LENG8: variants seen among roughly 807,000 people sequenced by gnomAD.
LENG8 encodes the protein leukocyte receptor cluster member 8.
A neutral mutation model predicts 102.1 loss-of-function variants in LENG8; 28 were observed. The ratio of observed to expected loss-of-function variants is 0.27; its 90% CI spans 0.20 to 0.38. LENG8 has a LOEUF of 0.38. LENG8 is among the 10% of genes least tolerant of loss of function. LENG8 has a pLI of 1.00. For missense variants in LENG8, 1,022 were observed against 1,113.9 expected, an observed-to-expected ratio of 0.92 and a Z score of 1.17; for synonymous variants, 531 against 456.7, an observed-to-expected ratio of 1.16 and a Z score of -2.07.
Position 54,454,979 on chromosome 19 carries a change from C to A in LENG8, c.708C>A (p.Phe236Leu). ...CCCCTGGGACTGGAGGTCTCAAGTT[C>A]AACATCCAGAAGCGACCCTTTGCTG... ...KPAPGTGGLK[F>L]NIQKRPFAVT... The change falls in exon 7 of 16, where the codon TTC becomes TTA. Residue 236 changes from phenylalanine (F) to leucine (L), a missense_variant. By Grantham distance (22) the Phe-to-Leu change is conservative (BLOSUM62 0). This residue lies in a region of LENG8 where 343 missense variants were observed against 320.2 expected (regional missense o/e 1.07). Transcript: ENST00000326764. The A allele has an allele frequency of 6.2e-7, 1 of 1,614,186 alleles. No individual in the cohort carries two copies. Among genetic ancestry groups the A allele is most frequent in the Non-Finnish European group, 8.5e-7 (1 of 1,180,014 alleles).
chr19:54,458,094 G>A lies in LENG8; in HGVS notation c.1903-9G>A. 1.2e-6 allele frequency: 2 copies of A among 1,612,540 alleles called. No homozygotes were observed. The highest frequency in any genetic ancestry group is 2.7e-5 in the African/African-American group (2 of 75,060). ...TCTGCTCTCCTCCCTCGGTGCCTCTGCCTTCCAGGGTGACCATGAAGAGTT... is the reference window on the plus strand; with the variant it reads ...TCTGCTCTCCTCCCTCGGTGCCTCTACCTTCCAGGGTGACCATGAAGAGTT... On this transcript the variant is annotated splice_polypyrimidine_tract_variant and intron_variant, in intron 13 of 15. Transcript: ENST00000326764.
At chr19:54,451,038 T>C (rs2083939092) in intron 1 of LENG8, among the ~76,000 whole-genome samples, 1 of 152,174 alleles carries the variant, frequency 6.6e-6, no homozygotes, top group South Asian at 2.1e-4. Flanking sequence ...CTTTGGGAAG[T>C]CTGCTCTGGC....
rs868393277 is a variant in LENG8, at chr19:54,458,045, C to G, written c.1902+43C>G. ...GGCCTCCCCAGCCCCTTTCCTGCTG[C>G]CGTTCTGCCCTCAGCACCCTCACTC... On this transcript the variant is annotated intron_variant, in intron 13 of 15. Coordinates refer to ENST00000326764, the MANE Select transcript of LENG8 (RefSeq NM_052925.4). The G allele has an allele frequency of 3.1e-6, 5 of 1,612,254 alleles. No homozygotes were observed. The Admixed American group carries it at 8.3e-5, about 27-fold the overall frequency.
Position 54,461,319 on chromosome 19 carries a change from G to A in LENG8, c.*391G>A. 1 of 461,764 alleles carries A rather than the reference G, an allele frequency of 2.2e-6. No homozygotes were observed. The highest frequency in any genetic ancestry group is 1.6e-5 in the South Asian group (1 of 63,398). 28.6% of individuals were successfully genotyped at this position (461,764 alleles called of 1,614,324 possible). A position where few individuals can be genotyped will look rare whatever the true frequency, so the allele number is the denominator to read the frequency against. ...CGGGGGGCCAGTGGAAAGAAGACAG[G>A]CCGTCCAGCCCGTGCCCGCCTGCGG... On this transcript the variant is annotated 3_prime_UTR_variant, in exon 16 of 16. Transcript: ENST00000326764.
rs1341501760 is a variant in LENG8 at position 54,455,047 on chromosome 19, G to C, written c.776G>C (p.Ser259Thr). ...SFGSNAEGQH[S>T]GFGPQPNPEK... ...GGCTCCAACGCAGAGGGCCAGCACA[G>C]TGGTTTTGGCCCCCAGCCCAACCCT... The change falls in exon 7 of 16, where the codon AGT (serine) becomes ACT (threonine). Residue 259 changes from serine (S) to threonine (T), a missense_variant. Transcript: ENST00000326764. 1.2e-6 allele frequency: 2 copies of C among 1,614,184 alleles called. No homozygotes were observed. The highest frequency in any genetic ancestry group is 1.7e-6 in the Non-Finnish European group (2 of 1,180,028).
At position 54,455,445 on chromosome 19, in the gene LENG8, C is replaced by T. The variant is rs1002034974; in HGVS notation, c.903C>T (p.Phe301=). Residue 301 remains phenylalanine (F), a synonymous_variant, in exon 8 of 16, where the codon TTC becomes TTT. Transcript: ENST00000326764. The part of the protein sequence containing the change: ...QDMKEYVERC[F]TACESEEDKD... ...TGAAAGAGTATGTGGAGCGCTGCTT[C>T]ACCGCCTGTGAGTCGGAGGAGGACA... 2.5e-6 allele frequency: 4 copies of T among 1,614,090 alleles called. No homozygotes were observed. The highest frequency in any genetic ancestry group is 1.6e-4 in the Middle Eastern group (1 of 6,084).
intron 15 of LENG8, chr19:54,458,930 C>G: frequency 6.6e-7 from 1 of 1,523,372 alleles, no homozygotes; most frequent in East Asian, 2.5e-5. Context: ...AGCCTCTGGT[C>G]TACCAGGACA....
chr19:54,455,806 A>G (rs1364798129), intron 8 of LENG8, among the ~76,000 whole-genome samples, 161 bp from the exon 9 acceptor site: 2 of 152,128 alleles, frequency 1.3e-5, no homozygotes, highest in African/African-American at 4.8e-5. Context: ...CTGGAGACGG[A>G]AAACCTGGGT....
rs1225612724 is a variant in LENG8, at chr19:54,461,925, C to T, written c.*997C>T. ...CTCTGCCTCCCCTTCCCCTCCTCTCCCCTCCTTTTCCTTCCTTCCTTCCTT... is the reference window on the plus strand; with the variant it reads ...CTCTGCCTCCCCTTCCCCTCCTCTCTCCTCCTTTTCCTTCCTTCCTTCCTT... On this transcript the variant is annotated 3_prime_UTR_variant, in exon 16 of 16. Coordinates refer to ENST00000326764, the MANE Select transcript of LENG8 (RefSeq NM_052925.4). 8.6e-6 allele frequency: 8 copies of T among 928,438 alleles called. No individual in the cohort carries two copies. Among genetic ancestry groups the T allele is most frequent in the Admixed American group, 5.2e-5 (3 of 57,958 alleles). The allele number at this position is 928,438 out of a possible 1,614,324, so 57.5% of individuals were successfully genotyped here.
At chr19:54,458,690 T>C in intron 15 of LENG8, 169 bp downstream of exon 15, 1 of 1,551,552 alleles carries the variant, frequency 6.4e-7, no homozygotes, top group Non-Finnish European at 8.7e-7. Context: ...CAGTTCCTCT[T>C]GCTCTCCTTG....
At chr19:54,452,558 G>T in intron 3 of LENG8, 93 bp from the exon 4 acceptor site, 1 of 1,023,788 alleles carries the variant, frequency 9.8e-7, no homozygotes, top group Non-Finnish European at 1.5e-6. Context: ...TTCATCCCTT[G>T]GCAATTGGCC....
intron 11 of LENG8, among the ~76,000 whole-genome samples, chr19:54,457,347 T>A (rs1320934427): frequency 6.6e-6 from 1 of 152,286 alleles, no homozygotes; most frequent in Non-Finnish European, 1.5e-5. Flanking sequence ...TGGGTTTGTT[T>A]TCTCTTTTTT....
chr19:54,458,036 T>C, intron 13 of LENG8, 34 bp downstream of exon 13: 1 of 1,612,352 alleles, frequency 6.2e-7, no homozygotes, highest in Non-Finnish European at 8.5e-7. Flanking sequence ...CCCAGCCCCT[T>C]TCCTGCTGCC....
chr19:54,453,120 A>T (rs895065434), intron 4 of LENG8, among the ~76,000 whole-genome samples: 1 of 151,828 alleles, frequency 6.6e-6, no homozygotes, highest in South Asian at 2.1e-4. Flanking sequence ...GAGAGCCTCT[A>T]CCTGACACAC....
intron 4 of LENG8, among the ~76,000 whole-genome samples, 162 bp downstream of exon 4, chr19:54,452,914 T>C (rs1479965073): frequency 2.0e-5 from 3 of 152,154 alleles, no homozygotes; most frequent in African/African-American, 7.2e-5. Flanking sequence ...GGTAAATTCC[T>C]AGGTCCCCGC....
At chr19:54,458,886 G>A (rs1234010113) in intron 15 of LENG8, 5 of 1,547,684 alleles carry the variant, frequency 3.2e-6, no homozygotes, top group East Asian at 4.9e-5. Flanking sequence ...TTCTCAGCTT[G>A]TCGCTGTGCT....
intron 15 of LENG8, 27 bp from the exon 16 acceptor site, chr19:54,460,739 C>CA: frequency 6.9e-7 from 1 of 1,458,604 alleles, no homozygotes; most frequent in Non-Finnish European, 9.1e-7. Flanking sequence ...CCGCCCGCCT[C>CA]ATCACCTTCT....
In LENG8 at chr19:54,452,712, A is replaced by G; in HGVS notation, c.275A>G (p.Gln92Arg). 1.2e-6 allele frequency: 2 copies of G among 1,614,054 alleles called. No homozygotes were observed. Among genetic ancestry groups the G allele is most frequent in the Non-Finnish European group, 1.7e-6 (2 of 1,179,896 alleles). Reference protein sequence around the residue: ...QQQQYYQWYQQYNYAYPYSYY... With the variant: ...QQQQYYQWYQRYNYAYPYSYY... ...CAGCAGTACTACCAGTGGTACCAGCAGTACAACTATGCCTACCCCTACAGC... is the reference window on the plus strand; with the variant it reads ...CAGCAGTACTACCAGTGGTACCAGCGGTACAACTATGCCTACCCCTACAGC... Residue 92 changes from glutamine (Q) to arginine (R), a missense_variant, in exon 4 of 16, where the codon CAG becomes CGG. By Grantham distance (43) the Gln-to-Arg change is conservative. Coordinates refer to ENST00000326764, the MANE Select transcript of LENG8 (RefSeq NM_052925.4).
At position 54,460,942 on chromosome 19, in the gene LENG8, A is replaced by G. The variant is rs539821003; in HGVS notation, c.*14A>G. ...TCAGCCTTCTGAGCACCCAGCGAGG[A>G]GGGGCGGGGGCAGGGGCTGCAGCCC... On this transcript the variant is annotated 3_prime_UTR_variant, in exon 16 of 16. Transcript: ENST00000326764. 3.9e-6 allele frequency: 6 copies of G among 1,542,134 alleles called. No individual in the cohort carries two copies. In the African/African-American group the frequency reaches 4.1e-5, roughly 11 times the overall value.
Sources: gnomAD v4.1 joint callset for allele counts (sites outside exome capture counted in the v4.1 genomes callset) on GRCh38, gnomAD v4.1.1 for gene constraint, gnomAD v4.1.1 regional missense constraint, MANE v1.5 for transcripts, NCBI Gene and HGNC (gene_info 2026-07-23, HGNC 2026-07-21) for gene names.